Variants in KIF3A observed in about 807,000 individuals in gnomAD.
KIF3A encodes the protein kinesin-like protein KIF3A.
Under a neutral mutation model 92.6 loss-of-function variants are expected in KIF3A, and 27 were observed. The ratio of observed to expected loss-of-function variants is 0.29; its 90% CI spans 0.21 to 0.40. The LOEUF (loss-of-function observed/expected upper bound fraction) is 0.40. Ranked by LOEUF, KIF3A falls within the 10% of genes least tolerant of loss-of-function variation. KIF3A has a pLI of 1.00. For synonymous variants in KIF3A, 250 were observed against 275.4 expected, an observed-to-expected ratio of 0.91 and a Z score of 0.92; for missense variants, 581 against 872.6, an observed-to-expected ratio of 0.67 and a Z score of 4.21.
At chr5:132,709,000 C>T in intron 9 of KIF3A, 22 bp from the exon 10 acceptor site, 1 of 1,507,142 alleles carries the variant, frequency 6.6e-7, no homozygotes, top group East Asian at 2.5e-5. Flanking sequence ...AGAAATGAGC[C>T]CAACAGGAAC....
chr5:132,691,528 C>A (rs1009528428), downstream of KIF3A, among the ~76,000 whole-genome samples: 4 of 144,950 alleles, frequency 2.8e-5, no homozygotes, highest in Non-Finnish European at 6.0e-5. Context: ...TCCTGGCCAA[C>A]AAGAGCCAAA....
chr5:132,734,108 C>T, intron 2 of KIF3A, 97 bp downstream of exon 2: 1 of 927,816 alleles, frequency 1.1e-6, no homozygotes, highest in Non-Finnish European at 1.7e-6. Context: ...TATATATTTA[C>T]TACACTCATC....
downstream of KIF3A, chr5:132,689,778 A>T (rs1172413745): frequency 3.3e-5 from 5 of 152,244 alleles, no homozygotes; most frequent in Non-Finnish European, 7.3e-5. Context: ...AGCACGATTT[A>T]TTATCTTGTA....
At chr5:132,720,101 C>A (rs113664659) in intron 5 of KIF3A, among the ~76,000 whole-genome samples, 10 of 152,070 alleles carry the variant, frequency 6.6e-5, no homozygotes, top group African/African-American at 2.4e-4. Flanking sequence ...TTCAGCCTCC[C>A]GAGTTGCTGG....
At chr5:132,724,265 AATACC>A (rs1177911348) in intron 4 of KIF3A, among the ~76,000 whole-genome samples, 1 of 152,220 alleles carries the variant, frequency 6.6e-6, no homozygotes, top group African/African-American at 2.4e-5. Flanking sequence ...TAGAACTAGA[AATACC>A]ATTTGACCCA....
chr5:132,702,761 G>T, intron 13 of KIF3A, 93 bp from the exon 14 acceptor site: 1 of 1,278,762 alleles, frequency 7.8e-7, no homozygotes. Flanking sequence ...TAGCAAATCT[G>T]ATCTTCAAAG....
chr5:132,732,802 A>G (rs1166137709), intron 2 of KIF3A, among the ~76,000 whole-genome samples: 4 of 152,058 alleles, frequency 2.6e-5, no homozygotes, highest in Non-Finnish European at 5.9e-5. Flanking sequence ...CCAGCTACTC[A>G]GGAGGCTGAG....
intron 6 of KIF3A, 51 bp downstream of exon 6, chr5:132,716,794 T>C (rs1175354611): frequency 6.4e-7 from 1 of 1,572,632 alleles, no homozygotes; most frequent in African/African-American, 1.4e-5. Flanking sequence ...ATTTATAAAA[T>C]AAATGGATCA....
At position 132,699,216 on chromosome 5, in the gene KIF3A, C is replaced by T; in HGVS notation, c.2087G>A (p.Arg696Lys). 1 of 1,613,982 alleles carries T rather than the reference C, an allele frequency of 6.2e-7. No homozygotes were observed. The highest frequency in any genetic ancestry group is 2.2e-5 in the East Asian group (1 of 44,872). ...SLRQSLMKLE[R>K]PRTSKGKARP... ...TGCTTTCCCCTTTGAAGTTCGTGGT[C>T]TTTCTAGTTTCATCAAAGACTGACG... Residue 696 changes from arginine to lysine, a missense_variant, in exon 18 of 19, where the codon AGA (arginine) becomes AAA (lysine). By Grantham distance (26) the Arg-to-Lys change is conservative. Around this residue, in one of 5 missense-constraint regions of KIF3A, gnomAD observed 112 missense variants for 144.3 expected, o/e 0.78. Coordinates refer to ENST00000403231, the MANE Select transcript of KIF3A (RefSeq NM_001300791.2).
chr5:132,729,379 G>A (rs1192524647), intron 2 of KIF3A, among the ~76,000 whole-genome samples: 2 of 152,114 alleles, frequency 1.3e-5, no homozygotes, highest in Admixed American at 6.6e-5. Context: ...TTGAGTCCAG[G>A]AGGCTGAGGC....
At chr5:132,734,104 T>A (rs1437573197) in intron 2 of KIF3A, 101 bp downstream of exon 2, 7 of 905,782 alleles carry the variant, frequency 7.7e-6, no homozygotes, top group African/African-American at 1.7e-5. Context: ...ACTGTATATA[T>A]TTACTACACT....
At chr5:132,736,620 G>C (rs566291369) in intron 1 of KIF3A, among the ~76,000 whole-genome samples, 4 of 152,294 alleles carry the variant, frequency 2.6e-5, no homozygotes, top group South Asian at 4.1e-4. Context: ...AACAAATATA[G>C]AGCATTTAAT....
chr5:132,718,179 A>G (rs764567940), intron 5 of KIF3A, among the ~76,000 whole-genome samples: 4 of 152,170 alleles, frequency 2.6e-5, no homozygotes, highest in African/African-American at 4.8e-5. Context: ...TGGTTTAACA[A>G]TTTTTCACAT....
At chr5:132,719,465 C>A (rs929994767) in intron 5 of KIF3A, among the ~76,000 whole-genome samples, 5 of 151,668 alleles carry the variant, frequency 3.3e-5, no homozygotes, top group African/African-American at 1.2e-4. Context: ...AAAAATTTTT[C>A]ATTTCCTATT....
chr5:132,721,610 G>A (rs937286737), intron 4 of KIF3A: 1 of 152,022 alleles, frequency 6.6e-6, no homozygotes, highest in Non-Finnish European at 1.5e-5. Flanking sequence ...TCAATGTTGT[G>A]TGTGTGTGCA....
At chr5:132,731,368 A>G (rs142627643) in intron 2 of KIF3A, among the ~76,000 whole-genome samples, 1 of 152,328 alleles carries the variant, frequency 6.6e-6, no homozygotes, top group East Asian at 1.9e-4. Context: ...AATCAATGTA[A>G]TTGACCATAT....
At chr5:132,730,069 TAAAAG>T (rs1754173362) in intron 2 of KIF3A, among the ~76,000 whole-genome samples, 1 of 152,156 alleles carries the variant, frequency 6.6e-6, no homozygotes, top group African/African-American at 2.4e-5. Flanking sequence ...TTCAACATAC[TAAAAG>T]AATAATAAGG....
intron 2 of KIF3A, among the ~76,000 whole-genome samples, chr5:132,727,492 GT>G (rs1483485454): frequency 6.6e-6 from 1 of 152,148 alleles, no homozygotes; most frequent in Non-Finnish European, 1.5e-5. Flanking sequence ...TAGGAACAGT[GT>G]GGACAGCAAG....
At chr5:132,736,501 T>C (rs926852163) in intron 1 of KIF3A, among the ~76,000 whole-genome samples, 1 of 152,236 alleles carries the variant, frequency 6.6e-6, no homozygotes, top group African/African-American at 2.4e-5. Context: ...AGCCTCTCTC[T>C]TTCCAAGTTC....
Sources: gnomAD v4.1 joint callset for allele counts (sites outside exome capture counted in the v4.1 genomes callset) on GRCh38, gnomAD v4.1.1 for gene constraint, gnomAD v4.1.1 regional missense constraint, MANE v1.5 for transcripts, NCBI Gene and HGNC (gene_info 2026-07-23, HGNC 2026-07-21) for gene names.